The following KEL variants were observed in gnomAD, a reference collection of about 807,000 sequenced individuals.
KEL encodes the protein kell blood group glycoprotein.
Under a neutral mutation model 99.5 loss-of-function variants are expected in KEL, and 96 were observed. That is an observed-to-expected ratio of 0.97 (90% CI 0.82 to 1.14). KEL has a LOEUF of 1.14. Ranked by LOEUF, KEL falls within the 50% of genes most tolerant of loss-of-function variation. KEL has a pLI of 0.00. For missense variants in KEL, 926 were observed against 924.2 expected, an observed-to-expected ratio of 1.00 and a Z score of -0.03; for synonymous variants, 355 against 354.8, an observed-to-expected ratio of 1.00 and a Z score of -0.01.
Position 142,958,779 on chromosome 7 carries a change from T to C in KEL, c.401-351A>G, listed in dbSNP as rs966908528. On this transcript the variant is annotated intron_variant, in intron 4 of 18. Transcript: ENST00000355265. ...ATCTTTTGATTAACTAAGATCTGAATAGGAAACATTTGTCACCTATTGTCT... is the reference window on the plus strand; with the variant it reads ...ATCTTTTGATTAACTAAGATCTGAACAGGAAACATTTGTCACCTATTGTCT... 5.9e-5 allele frequency among the ~76,000 whole-genome samples: 9 copies of C among 152,332 alleles called. No individual in the cohort carries two copies. In the South Asian group the frequency reaches 1.0e-3, roughly 18 times the overall value.
At position 142,961,004 on chromosome 7, in the gene KEL, A is replaced by G. The variant is rs371883953; in HGVS notation, c.324T>C (p.Cys108=). 2.5e-5 allele frequency: 40 copies of G among 1,614,084 alleles called. No homozygotes were observed. Among genetic ancestry groups the G allele is most frequent in the Admixed American group, 3.3e-5 (2 of 60,010 alleles). ...APCTDFFSFA[C]GRAKETNNSF... ...AATTATTGGTCTCTTTGGCCCTTCC[A>G]CAGGCAAAGCTGAAGAAGTCGGTGC... Residue 108 remains cysteine (C), a synonymous_variant, in exon 4 of 19, where the codon TGT becomes TGC. Coordinates refer to ENST00000355265, the MANE Select transcript of KEL (RefSeq NM_000420.3).
intron 3 of KEL, 37 bp downstream of exon 3, chr7:142,961,323 G>A (rs1796953380): frequency 6.2e-7 from 1 of 1,612,386 alleles, no homozygotes; most frequent in Admixed American, 1.7e-5. Flanking sequence ...GGCTGGGGGA[G>A]GGCTGACTAG....
intron 10 of KEL, among the ~76,000 whole-genome samples, chr7:142,948,928 A>ACACACACACACACG (rs1167471381): frequency 1.3e-5 from 2 of 151,972 alleles, no homozygotes; most frequent in African/African-American, 4.8e-5. Flanking sequence ...ACACACACAC[A>ACACACACACACACG]CACTAGAAAC....
At chr7:142,952,047 A>G (rs2116664102) in intron 10 of KEL, among the ~76,000 whole-genome samples, 1 of 152,234 alleles carries the variant, frequency 6.6e-6, no homozygotes, top group South Asian at 2.1e-4. Context: ...CATGTGGCCC[A>G]GTGGATCCCA....
intron 9 of KEL, chr7:142,953,338 A>G: frequency 1.2e-6 from 1 of 831,228 alleles, no homozygotes; most frequent in African/African-American, 1.8e-5. Context: ...CACCTGAGGA[A>G]TGGCCCCTCC....
At chr7:142,962,015 A>G in intron 1 of KEL, 143 bp from the exon 2 acceptor site, 1 of 1,610,236 alleles carries the variant, frequency 6.2e-7, no homozygotes, top group Non-Finnish European at 8.5e-7. Flanking sequence ...CAGTGTTCCC[A>G]GATGGGCTTC....
At chr7:142,952,389 C>T in intron 10 of KEL, 120 bp downstream of exon 10, 1 of 1,315,364 alleles carries the variant, frequency 7.6e-7, no homozygotes, top group Admixed American at 1.7e-5. Context: ...AAAGCCAAGA[C>T]ATGGAGGGGC....
intron 6 of KEL, among the ~76,000 whole-genome samples, chr7:142,956,801 TTAAAAC>T (rs1265700387): frequency 6.6e-6 from 1 of 152,248 alleles, no homozygotes; most frequent in African/African-American, 2.4e-5. Flanking sequence ...AGCAGACTGT[TTAAAAC>T]TAAATTTTAG....
intron 5 of KEL, 21 bp downstream of exon 5, chr7:142,958,283 T>C (rs375517791): frequency 1.9e-6 from 3 of 1,613,940 alleles, no homozygotes; most frequent in Non-Finnish European, 2.5e-6. Context: ...CCAGAAAAGT[T>C]AATATCCCAA....
chr7:142,941,442 G>T, intron 18 of KEL, 29 bp from the exon 19 acceptor site: 1 of 1,560,058 alleles, frequency 6.4e-7, no homozygotes. Context: ...CATTGAAGGG[G>T]GAGGGTCCAC....
chr7:142,944,544 G>C lies in KEL; in HGVS notation c.1413+99C>G, dbSNP rs568899931. On this transcript the variant is annotated intron_variant, in intron 12 of 18. Transcript: ENST00000355265. ...TGGCTTCCCTACTTAGCATGTGCCT[G>C]GGGGGGCCTTTGGCATTTGCTTCCA... 4.5e-5 allele frequency: 54 copies of C among 1,199,310 alleles called. No homozygotes were observed. The African/African-American group carries it at 4.9e-4, about 11-fold the overall frequency. The allele number at this position is 1,199,310 out of a possible 1,614,324, so 74.3% of individuals were successfully genotyped here.
chr7:142,953,271 C>T (rs1197487691), intron 9 of KEL: 1 of 815,716 alleles, frequency 1.2e-6, no homozygotes, highest in Non-Finnish European at 1.5e-6. Flanking sequence ...TTTCCTGACA[C>T]CAGCAGAAAT....
intron 10 of KEL, among the ~76,000 whole-genome samples, chr7:142,950,155 C>A (rs1796645900): frequency 6.6e-6 from 1 of 152,162 alleles, no homozygotes; most frequent in African/African-American, 2.4e-5. Flanking sequence ...CAGGACATCC[C>A]ATTACTAACC....
chr7:142,953,513 T>C (rs1167861536), intron 9 of KEL: 1 of 539,432 alleles, frequency 1.9e-6, no homozygotes, highest in East Asian at 1.4e-4. Context: ...TCAGAGGCTC[T>C]TGACTGGCTG....
chr7:142,943,448 G>A lies in KEL; in HGVS notation c.1703+38C>T, dbSNP rs138017347. 1,752 of 1,606,362 alleles carry A rather than the reference G, an allele frequency of 1.1e-3. 1 individual carries two copies. The highest frequency in any genetic ancestry group is 1.4e-3 in the Non-Finnish European group (1,602 of 1,172,998). On this transcript the variant is annotated intron_variant, in intron 15 of 18. Transcript: ENST00000355265. ...ATCATAACACCTGTCGGCCCCTCTT[G>A]GGAAACTCCCTACCTACCCTTACAG...
chr7:142,952,492 C>CCCGCT lies in KEL; in HGVS notation c.1203+12_1203+16dup. 1 of 1,613,338 alleles carries CCCGCT rather than the reference C, an allele frequency of 6.2e-7. No homozygotes were observed. The highest frequency in any genetic ancestry group is 8.5e-7 in the Non-Finnish European group (1 of 1,180,006). On this transcript the variant is annotated intron_variant, in intron 10 of 18. Coordinates refer to ENST00000355265, the MANE Select transcript of KEL (RefSeq NM_000420.3). Reference sequence around the variant, plus strand: ...CCTTTCGAGTATCTGGGCAAATACACCCGCTCCTCTCCTCACCATGGGTGG... The same window carrying CCCGCT: ...CCTTTCGAGTATCTGGGCAAATACACCCGCTCCGCTCCTCTCCTCACCATGGGTGG...
chr7:142,949,255 T>G lies in KEL; in HGVS notation c.1204-2938A>C, dbSNP rs1796613380. On this transcript the variant is annotated intron_variant, in intron 10 of 18. Coordinates refer to ENST00000355265, the MANE Select transcript of KEL (RefSeq NM_000420.3). ...CCACTCTGTTGGCATTATCTTGATTTAGCCAGGCTTGAAAAACACAGATTG... is the reference window on the plus strand; with the variant it reads ...CCACTCTGTTGGCATTATCTTGATTGAGCCAGGCTTGAAAAACACAGATTG... Among the ~76,000 whole-genome samples, 2 of 152,238 alleles carry G rather than the reference T, an allele frequency of 1.3e-5. 1 individual carries two copies. The highest frequency in any genetic ancestry group is 4.1e-4 in the South Asian group (2 of 4,832).
intron 17 of KEL, 124 bp from the exon 18 acceptor site, chr7:142,942,653 G>C (rs987877871): frequency 1.1e-6 from 1 of 879,804 alleles, no homozygotes; most frequent in African/African-American, 1.7e-5. Flanking sequence ...TAGTTGATCT[G>C]AGCCAGAAGA....
chr7:142,942,816 GAGGACATGTTTTC>G (rs1351461757), intron 17 of KEL, 46 bp downstream of exon 17: 1 of 1,594,940 alleles, frequency 6.3e-7, no homozygotes, highest in Non-Finnish European at 8.6e-7. Flanking sequence ...AGGAAAACTT[GAGGACATGTTTTC>G]TAGTCTGCCA....
Sources: allele counts gnomAD v4.1 joint callset (sites outside exome capture counted in the v4.1 genomes callset), GRCh38; gene constraint gnomAD v4.1.1; transcripts MANE v1.5; gene names NCBI Gene and HGNC (gene_info 2026-07-23, HGNC 2026-07-21).